The following NKAIN3 variants were observed in gnomAD, a reference collection of about 807,000 sequenced individuals.
The protein encoded by NKAIN3 is sodium/potassium transporting ATPase interacting 3.
A neutral mutation model predicts 30.2 loss-of-function variants in NKAIN3; 25 were observed. That is an observed-to-expected ratio of 0.83 (90% CI 0.60 to 1.16). NKAIN3 has a LOEUF of 1.16. Ranked by LOEUF, NKAIN3 falls within the 50% of genes most tolerant of loss-of-function variation. NKAIN3 has a pLI of 0.00. For missense variants in NKAIN3, 225 were observed against 254.1 expected, an observed-to-expected ratio of 0.89 and a Z score of 0.78; for synonymous variants, 91 against 89.6, an observed-to-expected ratio of 1.02 and a Z score of -0.09.
chr8:62,615,225 G>T (rs991016738), intron 3 of NKAIN3, among the ~76,000 whole-genome samples: 1 of 152,114 alleles, frequency 6.6e-6, no homozygotes, highest in Admixed American at 6.5e-5. Flanking sequence ...GGTGAATGCT[G>T]CCAGGACTGG....
intron 4 of NKAIN3, among the ~76,000 whole-genome samples, chr8:62,795,395 C>T (rs1817828714): frequency 6.6e-6 from 1 of 152,124 alleles, no homozygotes; most frequent in Non-Finnish European, 1.5e-5. Flanking sequence ...ATTCCATCCA[C>T]AAGCCCCTTG....
chr8:62,808,016 A>T (rs1030756560), intron 4 of NKAIN3, among the ~76,000 whole-genome samples: 1 of 152,118 alleles, frequency 6.6e-6, no homozygotes. Context: ...AAGTTAAACT[A>T]ATTTAAAATT....
intron 1 of NKAIN3, among the ~76,000 whole-genome samples, chr8:62,289,960 C>G (rs569103649): frequency 6.6e-6 from 1 of 152,188 alleles, no homozygotes; most frequent in Non-Finnish European, 1.5e-5. Flanking sequence ...TCCTTCACAT[C>G]CCTTGTAAGT....
chr8:62,879,397 A>G (rs1820904683), intron 4 of NKAIN3, among the ~76,000 whole-genome samples: 1 of 152,148 alleles, frequency 6.6e-6, no homozygotes, highest in African/African-American at 2.4e-5. Flanking sequence ...AGGTCATTGT[A>G]GATTCTGGAT....
At chr8:62,476,226 A>G (rs1806513456) in intron 1 of NKAIN3, among the ~76,000 whole-genome samples, 1 of 152,180 alleles carries the variant, frequency 6.6e-6, no homozygotes, top group Admixed American at 6.5e-5. Context: ...GTAGTGACTA[A>G]AAAATAGATA....
At chr8:62,294,667 C>T (rs1385020737) in intron 1 of NKAIN3, among the ~76,000 whole-genome samples, 1 of 151,894 alleles carries the variant, frequency 6.6e-6, no homozygotes, top group African/African-American at 2.4e-5. Context: ...CCCACCTTAG[C>T]CTGGGGACCA....
chr8:62,613,215 T>G (rs971197888), intron 3 of NKAIN3, among the ~76,000 whole-genome samples: 1 of 152,182 alleles, frequency 6.6e-6, no homozygotes, highest in Admixed American at 6.5e-5. Flanking sequence ...CTGGTATTTA[T>G]GAAATCACTC....
intron 4 of NKAIN3, among the ~76,000 whole-genome samples, chr8:62,774,167 A>G (rs1817107710): frequency 6.6e-6 from 1 of 152,122 alleles, no homozygotes; most frequent in South Asian, 2.1e-4. Flanking sequence ...ATTTGTAGGT[A>G]TTGTAAATGA....
chr8:62,710,377 A>C (rs1186275104), intron 3 of NKAIN3, among the ~76,000 whole-genome samples: 2 of 152,166 alleles, frequency 1.3e-5, no homozygotes, highest in East Asian at 3.9e-4. Flanking sequence ...TCTATTAGTA[A>C]TTGTTTTACA....
intron 5 of NKAIN3, among the ~76,000 whole-genome samples, chr8:62,926,400 TTC>T (rs1822444087): frequency 1.3e-5 from 2 of 152,192 alleles, no homozygotes; most frequent in Non-Finnish European, 2.9e-5. Context: ...GAACCTCCAC[TTC>T]TGCACGTCTG....
chr8:62,926,224 G>T (rs1469711498), intron 5 of NKAIN3, among the ~76,000 whole-genome samples: 2 of 152,170 alleles, frequency 1.3e-5, no homozygotes, highest in Non-Finnish European at 2.9e-5. Context: ...TTTTATCCTG[G>T]TTATTAGTGG....
rs925209443 is a variant in NKAIN3 at position 62,984,795 on chromosome 8, T to C, written c.*19388T>C. ...AAAGTGTTATTTAACAGAAACTACA[T>C]ACATTTTTTATGTCTCTCTGGACCC... is the stretch of plus-strand genomic sequence containing the variant. On this transcript the variant is annotated 3_prime_UTR_variant, in exon 7 of 7. Transcript: ENST00000623646. 23 of 152,226 alleles carry C rather than the reference T, an allele frequency of 1.5e-4. No homozygotes were observed. Among genetic ancestry groups the C allele is most frequent in the African/African-American group, 5.5e-4 (23 of 41,464 alleles). The allele number at this position is 152,226 out of a possible 1,614,324, so 9.4% of individuals were successfully genotyped here. A position where few individuals can be genotyped will look rare whatever the true frequency, so the allele number is the denominator to read the frequency against.
chr8:62,772,094 C>A (rs920315604), intron 4 of NKAIN3, among the ~76,000 whole-genome samples: 5 of 152,164 alleles, frequency 3.3e-5, no homozygotes, highest in African/African-American at 1.2e-4. Flanking sequence ...AATTATTCTA[C>A]TTTCTCTCTC....
At chr8:62,287,928 T>G (rs868787182) in intron 1 of NKAIN3, among the ~76,000 whole-genome samples, 52 of 152,190 alleles carry the variant, frequency 3.4e-4, no homozygotes, top group African/African-American at 1.2e-3. Context: ...TAGCCTCCGC[T>G]TAACCTGTAT....
intron 3 of NKAIN3, among the ~76,000 whole-genome samples, chr8:62,696,111 G>T (rs1419986077): frequency 6.6e-6 from 1 of 150,694 alleles, no homozygotes; most frequent in East Asian, 1.9e-4. Context: ...ATTTTTAATG[G>T]CCTCTGTTAA....
At chr8:62,993,052 G>GT (rs556689658) in intron 5 of NKAIN3, among the ~76,000 whole-genome samples, 92 of 145,142 alleles carry the variant, frequency 6.3e-4, no homozygotes, top group Non-Finnish European at 1.0e-3. Context: ...GTTTTGTTTT[G>GT]TTTTTTTGCC....
intron 1 of NKAIN3, among the ~76,000 whole-genome samples, chr8:62,456,276 C>T (rs1435168520): frequency 6.6e-6 from 1 of 152,150 alleles, no homozygotes; most frequent in Non-Finnish European, 1.5e-5. Context: ...AATCCCAGAA[C>T]TTTGGGAGGC....
chr8:62,706,930 C>A (rs548104620), intron 3 of NKAIN3, among the ~76,000 whole-genome samples: 1 of 151,946 alleles, frequency 6.6e-6, no homozygotes. Context: ...TGAGAACGTA[C>A]GACATTTGAG....
chr8:62,736,551 A>G (rs1403424134), intron 3 of NKAIN3, among the ~76,000 whole-genome samples: 1 of 152,116 alleles, frequency 6.6e-6, no homozygotes, highest in Non-Finnish European at 1.5e-5. Context: ...ACGCAACAGC[A>G]CCAAGTTTAT....
Sources: allele counts gnomAD v4.1 joint callset (sites outside exome capture counted in the v4.1 genomes callset), GRCh38; gene constraint gnomAD v4.1.1; transcripts MANE v1.5; gene names NCBI Gene and HGNC (gene_info 2026-07-23, HGNC 2026-07-21).